Variants in DCDC1 observed in about 807,000 individuals in gnomAD.
DCDC1 encodes doublecortin domain containing 1.
DCDC1 carries 200 observed loss-of-function variants against 178.3 expected under a neutral mutation model. The ratio of observed to expected loss-of-function variants is 1.12; its 90% CI spans 1.00 to 1.26. The LOEUF (loss-of-function observed/expected upper bound fraction) is 1.26, where lower values mean the gene tolerates loss of function less well. Among genes scored for constraint, DCDC1 ranks in the 50% most tolerant of loss-of-function variants. DCDC1 has a pLI of 0.00. For missense variants in DCDC1, 1,983 were observed against 1,749.2 expected, an observed-to-expected ratio of 1.13 and a Z score of -2.38; for synonymous variants, 690 against 604.8, an observed-to-expected ratio of 1.14 and a Z score of -2.07.
intron 15 of DCDC1, among the ~76,000 whole-genome samples, chr11:31,098,765 A>T (rs998445701): frequency 1.3e-5 from 2 of 152,288 alleles, no homozygotes; most frequent in Non-Finnish European, 2.9e-5. Context: ...TGCACTGATC[A>T]CCACTCTGTA....
intron 20 of DCDC1, among the ~76,000 whole-genome samples, chr11:31,026,488 C>T (rs1953244459): frequency 6.6e-6 from 1 of 151,702 alleles, no homozygotes; most frequent in South Asian, 2.1e-4. Flanking sequence ...TCAAGTATAG[C>T]TGTTATGTGA....
intron 20 of DCDC1, among the ~76,000 whole-genome samples, chr11:30,968,614 AGT>A (rs1275933883): frequency 4.0e-5 from 6 of 148,212 alleles, no homozygotes; most frequent in Admixed American, 2.7e-4. Context: ...GAAAAAACAA[AGT>A]GTGTATATAT....
intron 20 of DCDC1, among the ~76,000 whole-genome samples, chr11:31,019,091 T>C (rs1952691044): frequency 6.6e-6 from 1 of 152,180 alleles, no homozygotes; most frequent in African/African-American, 2.4e-5. Flanking sequence ...CCAGCTGTTT[T>C]GTGACCTAAG....
intron 11 of DCDC1, among the ~76,000 whole-genome samples, chr11:31,110,627 C>A (rs1959143027): frequency 6.6e-6 from 1 of 151,836 alleles, no homozygotes; most frequent in African/African-American, 2.4e-5. Flanking sequence ...GACTGGCATA[C>A]CCTACAATCT....
chr11:31,285,483 A>G lies in DCDC1; in HGVS notation c.960+5164T>C, dbSNP rs1591642397. The stretch of plus-strand genomic sequence containing the variant: ...CTTAAGATACTCTCTAAATTATTTT[A>G]CCCACACTATTGGGAAAATCTCTGC... On this transcript the variant is annotated intron_variant, in intron 7 of 38. Transcript: ENST00000684477. Among the ~76,000 whole-genome samples the G allele has an allele frequency of 2.6e-5, 4 of 152,116 alleles. No homozygotes were observed. The South Asian group carries it at 8.3e-4, about 31-fold the overall frequency.
chr11:30,914,491 T>A (rs1945680497), intron 27 of DCDC1, among the ~76,000 whole-genome samples: 2 of 152,142 alleles, frequency 1.3e-5, no homozygotes, highest in Non-Finnish European at 1.5e-5. Context: ...AAACATACAC[T>A]TTGTACACTA....
At chr11:31,068,820 G>A (rs926866050) in intron 18 of DCDC1, among the ~76,000 whole-genome samples, 2 of 151,854 alleles carry the variant, frequency 1.3e-5, no homozygotes, top group East Asian at 3.9e-4. Context: ...TGGGAATAAA[G>A]TTTGAGAGGA....
At chr11:30,957,537 T>A (rs1948838400) in intron 20 of DCDC1, among the ~76,000 whole-genome samples, 1 of 152,176 alleles carries the variant, frequency 6.6e-6, no homozygotes, top group African/African-American at 2.4e-5. Context: ...ACTAAAGTTA[T>A]CTGAGGTGAT....
At chr11:30,867,463 A>G (rs908243402) in intron 38 of DCDC1, among the ~76,000 whole-genome samples, 1 of 152,230 alleles carries the variant, frequency 6.6e-6, no homozygotes, top group African/African-American at 2.4e-5. Context: ...AAAGTCCATT[A>G]TGGTGCCCGG....
chr11:30,894,167 C>A (rs554643661), intron 35 of DCDC1, 81 bp downstream of exon 35: 4 of 1,509,146 alleles, frequency 2.7e-6, no homozygotes, highest in Non-Finnish European at 3.6e-6. Flanking sequence ...TTAACAGTAT[C>A]ATTTTAAAAT....
chr11:31,046,418 T>C (rs1954844497), intron 20 of DCDC1, among the ~76,000 whole-genome samples: 1 of 152,072 alleles, frequency 6.6e-6, no homozygotes, highest in Admixed American at 6.6e-5. Flanking sequence ...AGTAGCCATA[T>C]ATGATGTGTA....
intron 9 of DCDC1, among the ~76,000 whole-genome samples, chr11:31,144,757 T>C (rs1184532380): frequency 6.6e-6 from 1 of 152,146 alleles, no homozygotes; most frequent in Non-Finnish European, 1.5e-5. Context: ...TTGGTTTTTA[T>C]CTTTTTATGA....
chr11:31,342,129 T>C (rs1041583746), intron 1 of DCDC1, among the ~76,000 whole-genome samples: 1 of 152,194 alleles, frequency 6.6e-6, no homozygotes, highest in Non-Finnish European at 1.5e-5. Flanking sequence ...CTGGAGAACT[T>C]TCCTTTTGAA....
chr11:31,171,373 A>C (rs74784281), intron 9 of DCDC1, among the ~76,000 whole-genome samples: 3,130 of 152,284 alleles, frequency 0.021, 97 homozygotes, highest in African/African-American at 0.07. Context: ...GTTTCTTCAA[A>C]AGTTTATTTA....
At chr11:31,271,733 T>C (rs1171502912) in intron 7 of DCDC1, among the ~76,000 whole-genome samples, 3 of 152,160 alleles carry the variant, frequency 2.0e-5, no homozygotes, top group African/African-American at 7.2e-5. Context: ...AGAAAGAGGT[T>C]TAGTGGACTT....
chr11:31,187,236 A>G (rs982209568), intron 9 of DCDC1, among the ~76,000 whole-genome samples: 1 of 152,210 alleles, frequency 6.6e-6, no homozygotes, highest in Admixed American at 6.5e-5. Flanking sequence ...TAAGACCACA[A>G]CAGCACAGTA....
chr11:30,920,969 T>C (rs1386556742), intron 24 of DCDC1, 34 bp from the exon 25 acceptor site: 1 of 1,578,942 alleles, frequency 6.3e-7, no homozygotes, highest in Non-Finnish European at 8.6e-7. Context: ...AAAGACATAT[T>C]ACTTACAATT....
intron 9 of DCDC1, among the ~76,000 whole-genome samples, chr11:31,177,987 C>T (rs1365532592): frequency 6.6e-6 from 1 of 151,984 alleles, no homozygotes; most frequent in Admixed American, 6.6e-5. Context: ...CAAAAAAAAT[C>T]AACAAAGTAA....
chr11:31,060,722 CTAAA>C (rs2135462109), intron 20 of DCDC1, among the ~76,000 whole-genome samples: 1 of 151,940 alleles, frequency 6.6e-6, no homozygotes, highest in South Asian at 2.1e-4. Flanking sequence ...TGGGAAATAA[CTAAA>C]TATTTAAAAA....
Sources: allele counts gnomAD v4.1 joint callset (sites outside exome capture counted in the v4.1 genomes callset), GRCh38; gene constraint gnomAD v4.1.1; transcripts MANE v1.5; gene names NCBI Gene and HGNC (gene_info 2026-07-23, HGNC 2026-07-21).